Variants in CLPB observed in about 807,000 individuals in gnomAD.
CLPB encodes the protein ClpB family mitochondrial disaggregase.
CLPB carries 40 observed loss-of-function variants against 78.4 expected under a neutral mutation model. That is an observed-to-expected ratio of 0.51 (90% CI 0.40 to 0.66). The LOEUF is 0.66. Among genes scored for constraint, CLPB ranks in the 30% least tolerant of loss-of-function variants. CLPB has a pLI of 0.00. For synonymous variants in CLPB, 333 were observed against 348.0 expected (o/e 0.96, Z 0.48); for missense variants, 780 against 886.9 (o/e 0.88, Z 1.53).
chr11:72,415,031 C>T (rs1441798786), intron 2 of CLPB, among the ~76,000 whole-genome samples: 2 of 152,110 alleles, frequency 1.3e-5, no homozygotes, highest in African/African-American at 2.4e-5. Context: ...GCCTGACCAA[C>T]ATGGTGAAAC....
intron 2 of CLPB, among the ~76,000 whole-genome samples, chr11:72,415,203 A>T (rs1265757432): frequency 6.6e-6 from 1 of 152,164 alleles, no homozygotes; most frequent in African/African-American, 2.4e-5. Context: ...CGACAGAGTG[A>T]GACTCCGTCT....
At chr11:72,307,374 G>T in intron 8 of CLPB, 120 bp from the exon 9 acceptor site, 3 of 859,612 alleles carry the variant, frequency 3.5e-6, no homozygotes, top group Non-Finnish European at 3.8e-6. Context: ...GAATGTTGAG[G>T]CGCAGAAAGG....
chr11:72,333,428 T>A (rs919582222), intron 5 of CLPB, among the ~76,000 whole-genome samples: 5 of 152,238 alleles, frequency 3.3e-5, no homozygotes, highest in African/African-American at 1.2e-4. Context: ...ATGAATAGTT[T>A]CCCTCTTTAT....
In CLPB at chr11:72,312,694, A is replaced by C. The variant is rs1949869040; in HGVS notation, c.989-4090T>G. On this transcript the variant is annotated intron_variant, in intron 7 of 15. Transcript: ENST00000538039. This position sits in a 1 kb window ranked among gnomAD's most constrained non-coding sequence, Gnocchi z 4.2. Reference sequence around the variant, plus strand: ...CCCAGGTAGTTACTACCACTCTTGCATGAAGAAGGCTTCCACTTTCTTCTA... The same window carrying C: ...CCCAGGTAGTTACTACCACTCTTGCCTGAAGAAGGCTTCCACTTTCTTCTA... Among the ~76,000 whole-genome samples, 1 of 152,226 alleles carries C rather than the reference A, an allele frequency of 6.6e-6. No individual in the cohort carries two copies.
rs1565413587 is a variant in CLPB, at chr11:72,286,221, C to CTTTTTTTT, written c.*7145_*7146insAAAAAAAA. On this transcript the variant is annotated 3_prime_UTR_variant, in exon 16 of 16. Transcript: ENST00000538039. ...AGATTACAGGTGTGAGATACTGCAC[C>CTTTTTTTT]TGTTTTTTTTTTTTTTTTTTTTTTT... 1 of 59,140 alleles carries CTTTTTTTT rather than the reference C, an allele frequency of 1.7e-5. No homozygotes were observed. The highest frequency in any genetic ancestry group is 7.7e-5 in the African/African-American group (1 of 12,990). 3.7% of individuals were successfully genotyped at this position (59,140 alleles called of 1,614,324 possible).
chr11:72,356,008 G>T lies in CLPB; in HGVS notation c.775+2872C>A, dbSNP rs116146961. Among the ~76,000 whole-genome samples the T allele has an allele frequency of 7.3e-3, 1,117 of 152,230 alleles. 15 individuals carry two copies. The highest frequency in any genetic ancestry group is 0.026 in the African/African-American group (1,080 of 41,520). ...CTAAGAAAACCGGATGGGGCTGGGCGCGGTAGCTCATGCCTGTAATCCCAG... is the reference window on the plus strand; with the variant it reads ...CTAAGAAAACCGGATGGGGCTGGGCTCGGTAGCTCATGCCTGTAATCCCAG... On this transcript the variant is annotated intron_variant, in intron 5 of 15. Coordinates refer to ENST00000538039, the MANE Select transcript of CLPB (RefSeq NM_001258392.3).
At chr11:72,425,057 C>T (rs923523107) in intron 2 of CLPB, among the ~76,000 whole-genome samples, 1 of 152,174 alleles carries the variant, frequency 6.6e-6, no homozygotes, top group African/African-American at 2.4e-5. Flanking sequence ...GCTTGGGTGA[C>T]GGACTGAGAT....
chr11:72,351,299 C>T (rs1327176152), intron 5 of CLPB: 1 of 152,222 alleles, frequency 6.6e-6, no homozygotes, highest in Non-Finnish European at 1.5e-5. Context: ...CCCAGAATGT[C>T]TATACCACTG....
chr11:72,339,015 G>A (rs1447429885), intron 5 of CLPB, among the ~76,000 whole-genome samples: 1 of 152,234 alleles, frequency 6.6e-6, no homozygotes, highest in Admixed American at 6.5e-5. Flanking sequence ...ACCCAAGGAG[G>A]TGGGTCACTG....
At chr11:72,394,183 T>C (rs1855336765) in intron 3 of CLPB, among the ~76,000 whole-genome samples, 2 of 152,234 alleles carry the variant, frequency 1.3e-5, no homozygotes, top group East Asian at 1.9e-4. Context: ...ACCCATGATA[T>C]CTACTGCCGA....
intron 3 of CLPB, among the ~76,000 whole-genome samples, chr11:72,393,560 C>T (rs994511555): frequency 3.3e-5 from 5 of 152,136 alleles, no homozygotes; most frequent in African/African-American, 4.8e-5. Context: ...CACTCCAGAG[C>T]CCCTATTCTT....
intron 3 of CLPB, among the ~76,000 whole-genome samples, chr11:72,397,922 G>A (rs1297462290): frequency 2.0e-5 from 3 of 152,152 alleles, no homozygotes; most frequent in Non-Finnish European, 2.9e-5. Context: ...GGAACAGAGG[G>A]CCAAGAAGTA....
chr11:72,307,386 T>C (rs1590771722), intron 8 of CLPB, 132 bp from the exon 9 acceptor site: 1 of 746,590 alleles, frequency 1.3e-6, no homozygotes, highest in Non-Finnish European at 2.3e-6. Flanking sequence ...GCAGAAAGGA[T>C]CAGCGACTCT....
At position 72,293,048 on chromosome 11, in the gene CLPB, G is replaced by A. The variant is rs1023047452; in HGVS notation, c.*319C>T. On this transcript the variant is annotated 3_prime_UTR_variant, in exon 16 of 16. Coordinates refer to ENST00000538039, the MANE Select transcript of CLPB (RefSeq NM_001258392.3). ...TCCTGGGAACATGAGAAAGTCTGGC[G>A]ACTATGGGGGATGGGGATCATTCTG... 9 of 252,126 alleles carry A rather than the reference G, an allele frequency of 3.6e-5. No homozygotes were observed. In the East Asian group the frequency reaches 4.0e-4, roughly 11 times the overall value. 15.6% of individuals were successfully genotyped at this position (252,126 alleles called of 1,614,324 possible).
rs759536311 is a variant in CLPB, at chr11:72,308,598, C to T, written c.995G>A (p.Arg332Gln). ...SAIATVGAAI[R>Q]RKENGWYDEE... The stretch of plus-strand genomic sequence containing the variant: ...ATCGTACCAGCCATTCTCCTTCCTC[C>T]GGATCGCTACGGCCAAACACACAAG... The change falls in exon 8 of 16, where the codon CGG (arginine) becomes CAG (glutamine). Residue 332 changes from arginine to glutamine, a missense_variant. Transcript: ENST00000538039. 13 of 1,614,034 alleles carry T rather than the reference C, an allele frequency of 8.1e-6. No homozygotes were observed. Among genetic ancestry groups the T allele is most frequent in the East Asian group, 2.2e-5 (1 of 44,884 alleles).
At chr11:72,404,924 A>G (rs988156888) in intron 2 of CLPB, among the ~76,000 whole-genome samples, 2 of 152,212 alleles carry the variant, frequency 1.3e-5, no homozygotes, top group Non-Finnish European at 2.9e-5. Flanking sequence ...TTCTATGGCC[A>G]AGAATGTTAA....
chr11:72,415,241 A>G (rs577096412), intron 2 of CLPB, among the ~76,000 whole-genome samples: 4 of 152,286 alleles, frequency 2.6e-5, no homozygotes, highest in African/African-American at 9.6e-5. Context: ...AAAGATTACA[A>G]GGCCAATAAG....
At chr11:72,416,142 C>T (rs1856015115) in intron 2 of CLPB, among the ~76,000 whole-genome samples, 2 of 152,202 alleles carry the variant, frequency 1.3e-5, no homozygotes, top group Non-Finnish European at 2.9e-5. Context: ...CACACTATTG[C>T]TTCAGAGCTC....
At chr11:72,430,038 G>A (rs573424897) in intron 2 of CLPB, among the ~76,000 whole-genome samples, 25 of 152,330 alleles carry the variant, frequency 1.6e-4, no homozygotes, top group African/African-American at 5.1e-4. Context: ...GAACCCAAAG[G>A]ATATGGGGGC....
Sources: gnomAD v4.1 joint callset for allele counts (sites outside exome capture counted in the v4.1 genomes callset) on GRCh38, gnomAD v4.1.1 for gene constraint, Gnocchi (gnomAD v3.1) non-coding constraint, MANE v1.5 for transcripts, NCBI Gene and HGNC (gene_info 2026-07-23, HGNC 2026-07-21) for gene names.